Variants in CATSPERE observed in about 807,000 individuals in gnomAD.
CATSPERE encodes the protein catsper channel auxiliary subunit epsilon.
Under a neutral mutation model 114.1 loss-of-function variants are expected in CATSPERE, and 93 were observed. That is an observed-to-expected ratio of 0.81 (90% confidence interval 0.69 to 0.97). The LOEUF (loss-of-function observed/expected upper bound fraction) is 0.97. CATSPERE is among the 50% of genes least tolerant of loss of function. The probability of loss-of-function intolerance (pLI) is 0.00; values close to 1 mark genes in which losing one functional copy is unlikely to be tolerated. For synonymous variants in CATSPERE, 341 were observed against 384.1 expected, an observed-to-expected ratio of 0.89 and a Z score of 1.31; for missense variants, 1,058 against 1,131.6, an observed-to-expected ratio of 0.93 and a Z score of 0.93.
chr1:244,490,526 C>G lies in CATSPERE; in HGVS notation c.351+55C>G, dbSNP rs1353132583. ...TTCATATATCACTAGTATATTGTTT[C>G]TCTCTTATCTTCCATATTTACCAGA... On this transcript the variant is annotated intron_variant, in intron 6 of 21. Coordinates refer to ENST00000366534, the MANE Select transcript of CATSPERE (RefSeq NM_001130957.2). 2.9e-6 allele frequency: 3 copies of G among 1,041,578 alleles called. No homozygotes were observed. The African/African-American group carries it at 4.9e-5, about 17-fold the overall frequency. 64.5% of individuals were successfully genotyped at this position (1,041,578 alleles called of 1,614,324 possible).
At chr1:244,490,320 T>C (rs1337267790) in intron 5 of CATSPERE, 127 bp from the exon 6 acceptor site, 2 of 573,470 alleles carry the variant, frequency 3.5e-6, no homozygotes, top group East Asian at 6.3e-5. Context: ...GCCTTTAATT[T>C]TATATACCGT....
At chr1:244,561,241 G>A (rs995307120) in intron 10 of CATSPERE, 96 bp downstream of exon 10, 9 of 898,026 alleles carry the variant, frequency 1.0e-5, no homozygotes, top group African/African-American at 6.7e-5. Flanking sequence ...AATGTGTGGC[G>A]TTTTTGGCAG....
chr1:244,488,821 A>G (rs3003301), intron 5 of CATSPERE, among the ~76,000 whole-genome samples: 74,882 of 151,944 alleles, frequency 0.49, 18,862 homozygotes, highest in Middle Eastern at 0.57. Context: ...TAGTTTACCT[A>G]TTAAGATATA....
intron 10 of CATSPERE, among the ~76,000 whole-genome samples, chr1:244,565,894 C>T (rs147133900): frequency 0.012 from 1,808 of 152,228 alleles, 42 homozygotes; most frequent in African/African-American, 0.04. Flanking sequence ...AACTTGTTTG[C>T]TCTTGCTTCT....
At chr1:244,527,572 T>C (rs1359988328) in intron 8 of CATSPERE, among the ~76,000 whole-genome samples, 2 of 152,152 alleles carry the variant, frequency 1.3e-5, no homozygotes, top group Non-Finnish European at 2.9e-5. Flanking sequence ...CGAGGCAACA[T>C]ACATCCTCCT....
intron 17 of CATSPERE, among the ~76,000 whole-genome samples, chr1:244,596,074 C>T (rs149733164): frequency 2.0e-5 from 3 of 152,322 alleles, no homozygotes; most frequent in African/African-American, 7.2e-5. Flanking sequence ...ATCAGCAGGA[C>T]TTGTTTTCAC....
chr1:244,528,825 A>ACACT (rs1471635883), intron 8 of CATSPERE, among the ~76,000 whole-genome samples: 4 of 147,282 alleles, frequency 2.7e-5, no homozygotes, highest in South Asian at 4.3e-4. Flanking sequence ...ACACACACAC[A>ACACT]CTCTACTCTT....
intron 2 of CATSPERE, among the ~76,000 whole-genome samples, chr1:244,468,578 ATAT>A (rs1667981911): frequency 6.6e-6 from 1 of 152,184 alleles, no homozygotes; most frequent in Non-Finnish European, 1.5e-5. Context: ...CAAGAGAGTA[ATAT>A]TACAAAACCA....
At chr1:244,551,930 G>C (rs566740390) in intron 8 of CATSPERE, among the ~76,000 whole-genome samples, 3 of 151,830 alleles carry the variant, frequency 2.0e-5, no homozygotes, top group Admixed American at 6.6e-5. Flanking sequence ...CAGGCGTGGT[G>C]GTGGGTGCCT....
rs748147098 is a variant in CATSPERE, at chr1:244,605,724, T to G, written c.2333T>G (p.Val778Gly). ...LFDDNGYVKD[V>G]EANFIVWEIH... ...GATGATAATGGCTATGTTAAAGACG[T>G]TGAAGCAAATTTCATAGTGTGGGAA... Residue 778 changes from valine (V) to glycine (G), a missense_variant, in exon 18 of 22, where the codon GTT (valine) becomes GGT (glycine). Physicochemically the swap from Val to Gly is moderately radical, Grantham distance 109. Around this residue, in one of 2 missense-constraint regions of CATSPERE, gnomAD observed 787 missense variants for 905.6 expected, o/e 0.87. Coordinates refer to ENST00000366534, the MANE Select transcript of CATSPERE (RefSeq NM_001130957.2). 6.2e-6 allele frequency: 10 copies of G among 1,613,124 alleles called. No individual in the cohort carries two copies. The Admixed American group carries it at 1.7e-4, about 27-fold the overall frequency.
At chr1:244,461,518 G>T (rs373498241) in intron 1 of CATSPERE, 24 bp downstream of exon 1, 41 of 1,287,470 alleles carry the variant, frequency 3.2e-5, no homozygotes, top group South Asian at 8.3e-5. Context: ...AGTCGCAGGC[G>T]AGCGACTAGG....
At chr1:244,541,357 G>C (rs1166518140) in intron 8 of CATSPERE, among the ~76,000 whole-genome samples, 7 of 149,940 alleles carry the variant, frequency 4.7e-5, no homozygotes, top group Admixed American at 6.6e-5. Flanking sequence ...GACATGAACA[G>C]GCACTTCTCA....
At chr1:244,539,916 A>C (rs1318814461) in intron 8 of CATSPERE, among the ~76,000 whole-genome samples, 1 of 120,174 alleles carries the variant, frequency 8.3e-6, no homozygotes, top group Non-Finnish European at 1.8e-5. Flanking sequence ...GATCCTTTCA[A>C]AAAACCAGCT....
chr1:244,614,626 CATT>C (rs1326497107), intron 19 of CATSPERE, among the ~76,000 whole-genome samples: 1 of 152,126 alleles, frequency 6.6e-6, no homozygotes, highest in Non-Finnish European at 1.5e-5. Flanking sequence ...ATCACAGTAT[CATT>C]AACACGAGGA....
intron 6 of CATSPERE, among the ~76,000 whole-genome samples, chr1:244,493,883 A>C (rs1672650642): frequency 6.6e-6 from 1 of 152,360 alleles, no homozygotes; most frequent in East Asian, 1.9e-4. Context: ...AGAGAAATGC[A>C]AATCAAAACC....
In CATSPERE at chr1:244,573,468, A is replaced by G. The variant is rs560788927; in HGVS notation, c.1950+696A>G. 3.0e-4 allele frequency among the ~76,000 whole-genome samples: 46 copies of G among 152,272 alleles called. No homozygotes were observed. The highest frequency in any genetic ancestry group is 1.1e-3 in the African/African-American group (44 of 41,568). On this transcript the variant is annotated intron_variant, in intron 11 of 21. Coordinates refer to ENST00000366534, the MANE Select transcript of CATSPERE (RefSeq NM_001130957.2). The surrounding 1 kb of genome is among the most constrained non-coding windows in gnomAD (Gnocchi z 4.0). ...AAAAAAACCAATTCTATCCGTCAATAGTTTGGGCTGTGAGTAGCCATGCAG... is the reference window on the plus strand; with the variant it reads ...AAAAAAACCAATTCTATCCGTCAATGGTTTGGGCTGTGAGTAGCCATGCAG...
At chr1:244,471,856 G>A (rs1339248990) in intron 2 of CATSPERE, among the ~76,000 whole-genome samples, 1 of 152,174 alleles carries the variant, frequency 6.6e-6, no homozygotes, top group African/African-American at 2.4e-5. Flanking sequence ...TACATATGTG[G>A]GGACATATAT....
chr1:244,530,229 T>C (rs61137197), intron 8 of CATSPERE, among the ~76,000 whole-genome samples: 19,461 of 152,056 alleles, frequency 0.13, 2,142 homozygotes, highest in African/African-American at 0.3. Flanking sequence ...GGATTACAGG[T>C]GTGAACCACT....
intron 2 of CATSPERE, among the ~76,000 whole-genome samples, chr1:244,464,606 G>A (rs1165202217): frequency 2.0e-5 from 3 of 152,094 alleles, no homozygotes; most frequent in African/African-American, 4.8e-5. Flanking sequence ...ATTGTTTCCC[G>A]AATGGCAGTT....
Sources: allele counts gnomAD v4.1 joint callset (sites outside exome capture counted in the v4.1 genomes callset), GRCh38; gene constraint gnomAD v4.1.1; regional missense constraint gnomAD v4.1.1; non-coding constraint Gnocchi (gnomAD v3.1); transcripts MANE v1.5; gene names NCBI Gene and HGNC (gene_info 2026-07-23, HGNC 2026-07-21).